The following WDR91 variants were observed in gnomAD, a reference collection of about 807,000 sequenced individuals.
WDR91 encodes the protein WD repeat-containing protein 91.
WDR91 carries 52 observed loss-of-function variants against 88.4 expected under a neutral mutation model. The observed-to-expected ratio is 0.59, with a 90% CI of 0.47 to 0.74. WDR91 has a LOEUF of 0.74. WDR91 is among the 30% of genes least tolerant of loss of function. The pLI, the probability that WDR91 is intolerant of heterozygous loss-of-function variation, is 0.00. For missense variants in WDR91, 824 were observed against 954.5 expected (o/e 0.86, Z 1.80); for synonymous variants, 362 against 389.5 (o/e 0.93, Z 0.83).
intron 11 of WDR91, among the ~76,000 whole-genome samples, chr7:135,190,062 T>C (rs1002230680): frequency 6.6e-6 from 1 of 152,144 alleles, no homozygotes; most frequent in African/African-American, 2.4e-5. Flanking sequence ...AAGAATCCTC[T>C]AGGGCCACAA....
intron 11 of WDR91, among the ~76,000 whole-genome samples, chr7:135,192,897 CTGTA>C (rs1466946541): frequency 1.3e-5 from 2 of 152,168 alleles, no homozygotes; most frequent in African/African-American, 4.8e-5. Context: ...TCTTACGAAT[CTGTA>C]TGTGTCCTTG....
intron 6 of WDR91, chr7:135,199,094 G>T (rs1022567491): frequency 6.6e-6 from 1 of 152,182 alleles, no homozygotes; most frequent in Non-Finnish European, 1.5e-5. Flanking sequence ...GTGAAGAGAA[G>T]AAACTCAACC....
chr7:135,188,277 T>C (rs1831027182), intron 13 of WDR91, 156 bp downstream of exon 13: 6 of 597,340 alleles, frequency 1.0e-5, no homozygotes, highest in Middle Eastern at 6.4e-4. Context: ...CTCGCAAAGA[T>C]TGTAAGACGA....
chr7:135,191,559 T>G (rs2117642012), intron 11 of WDR91, among the ~76,000 whole-genome samples: 1 of 141,312 alleles, frequency 7.1e-6, no homozygotes, highest in Non-Finnish European at 1.5e-5. Context: ...GAGCAGAGAT[T>G]GTGCCGCTGC....
rs1399020972 is a variant in WDR91 at position 135,196,095 on chromosome 7, C to T, written c.1244+49G>A. 7 of 1,461,934 alleles carry T rather than the reference C, an allele frequency of 4.8e-6. No homozygotes were observed. The highest frequency in any genetic ancestry group is 6.4e-6 in the Non-Finnish European group (7 of 1,100,590). 90.6% of individuals were successfully genotyped at this position (1,461,934 alleles called of 1,614,324 possible). A position where few individuals can be genotyped will look rare whatever the true frequency, so the allele number is the denominator to read the frequency against. ...CTGGCCACACCTCCACGTGTACTGC[C>T]TGAAAATCTGAGCTTCCCAGGGTTT... On this transcript the variant is annotated intron_variant, in intron 8 of 14. Coordinates refer to ENST00000354475, the MANE Select transcript of WDR91 (RefSeq NM_014149.4). The surrounding 1 kb of genome is among the most constrained non-coding windows in gnomAD (Gnocchi z 4.2).
chr7:135,189,883 G>A (rs760745150), intron 11 of WDR91, among the ~76,000 whole-genome samples: 7 of 152,086 alleles, frequency 4.6e-5, no homozygotes, highest in Non-Finnish European at 5.9e-5. Flanking sequence ...AAATATAGTA[G>A]CAAACAAAAC....
At position 135,196,619 on chromosome 7, in the gene WDR91, G is replaced by T. The variant is rs1000453269; in HGVS notation, c.1051-282C>A. Among the ~76,000 whole-genome samples, 17 of 152,176 alleles carry T rather than the reference G, an allele frequency of 1.1e-4. No individual in the cohort carries two copies. The highest frequency in any genetic ancestry group is 2.5e-4 in the Non-Finnish European group (17 of 68,018). On this transcript the variant is annotated intron_variant, in intron 7 of 14. Coordinates refer to ENST00000354475, the MANE Select transcript of WDR91 (RefSeq NM_014149.4). This position sits in a 1 kb window ranked among gnomAD's most constrained non-coding sequence, Gnocchi z 4.2. ...CTGTGACACAGCTGATGGGACCCAG[G>T]ACACACATCTGCCTTGACAACAGGC...
chr7:135,187,615 C>T (rs575735245), intron 13 of WDR91, among the ~76,000 whole-genome samples: 1 of 152,236 alleles, frequency 6.6e-6, no homozygotes, highest in Admixed American at 6.5e-5. Flanking sequence ...GTACAGAGGA[C>T]AAAGTCCACA....
At chr7:135,200,954 C>T (rs1379213298) in intron 6 of WDR91, among the ~76,000 whole-genome samples, 1 of 152,138 alleles carries the variant, frequency 6.6e-6, no homozygotes, top group Non-Finnish European at 1.5e-5. Flanking sequence ...GAAAACACGC[C>T]CTCATAACAC....
chr7:135,187,271 G>A (rs561727826), intron 13 of WDR91, 102 bp from the exon 14 acceptor site: 13 of 1,198,584 alleles, frequency 1.1e-5, no homozygotes, highest in Non-Finnish European at 1.4e-5. Flanking sequence ...TGGCGAGGGC[G>A]ACCCGCCTCC....
chr7:135,211,043 C>G, intron 1 of WDR91: 1 of 649,298 alleles, frequency 1.5e-6, no homozygotes, highest in Non-Finnish European at 2.8e-6. Flanking sequence ...ATATCTGTTG[C>G]CAAAACGCAA....
intron 3 of WDR91, chr7:135,207,435 C>T (rs1831839305): frequency 1.9e-6 from 1 of 522,680 alleles, no homozygotes; most frequent in Non-Finnish European, 3.7e-6. Flanking sequence ...GCATGACCAT[C>T]TGCCTGGCCA....
intron 9 of WDR91, 65 bp downstream of exon 9, chr7:135,194,869 G>A (rs1831303425): frequency 1.9e-6 from 3 of 1,591,008 alleles, no homozygotes; most frequent in Non-Finnish European, 1.7e-6. Context: ...CTCAGCCGGT[G>A]GAGAACCCTG....
intron 8 of WDR91, among the ~76,000 whole-genome samples, chr7:135,195,294 C>T (rs976243943): frequency 6.6e-6 from 1 of 152,246 alleles, no homozygotes; most frequent in Non-Finnish European, 1.5e-5. Context: ...CAACCATGTG[C>T]GGAGCTTTTG....
At chr7:135,209,376 G>A in intron 2 of WDR91, 200 bp downstream of exon 2, 1 of 491,628 alleles carries the variant, frequency 2.0e-6, no homozygotes, top group Non-Finnish European at 3.4e-6. Flanking sequence ...AAATAGGAAT[G>A]GGGAAGACAA....
rs1265505724 is a variant in WDR91, at chr7:135,209,669, A to G, written c.210T>C (p.Arg70=). 1 of 1,613,690 alleles carries G rather than the reference A, an allele frequency of 6.2e-7. No individual in the cohort carries two copies. The highest frequency in any genetic ancestry group is 8.5e-7 in the Non-Finnish European group (1 of 1,179,860). Residue 70 remains arginine, a synonymous_variant, in exon 2 of 15, where the codon CGT becomes CGC. Coordinates refer to ENST00000354475, the MANE Select transcript of WDR91 (RefSeq NM_014149.4). ...ALRDYWSYLE[R]RLFSRLEDIY... ...TATCCTCCAAGCGGCTGAAGAGCCG[A>G]CGCTCCAAGTAGCTCCAATAATCCC...
At position 135,193,377 on chromosome 7, in the gene WDR91, G is replaced by A; in HGVS notation, c.1513C>T (p.Pro505Ser). ...MPRILSLACS[P>S]NGASFVCSAA... ...GAACAGACGAAAGAGGCCCCGTTGG[G>A]GCTGCACGCAAGAGACAGGATTCTG... The change falls in exon 11 of 15, where the codon CCC becomes TCC. Residue 505 changes from proline (P) to serine (S), a missense_variant. Transcript: ENST00000354475. 1 of 1,614,204 alleles carries A rather than the reference G, an allele frequency of 6.2e-7. No homozygotes were observed. The highest frequency in any genetic ancestry group is 8.5e-7 in the Non-Finnish European group (1 of 1,180,034).
At position 135,211,243 on chromosome 7, in the gene WDR91, G is replaced by T. The variant is rs897090723; in HGVS notation, c.123+137C>A. 67 of 1,357,052 alleles carry T rather than the reference G, an allele frequency of 4.9e-5. 1 individual carries two copies. Among genetic ancestry groups the T allele is most frequent in the Non-Finnish European group, 6.2e-5 (64 of 1,027,652 alleles). 84.1% of individuals were successfully genotyped at this position (1,357,052 alleles called of 1,614,324 possible). A position where few individuals can be genotyped will look rare whatever the true frequency, so the allele number is the denominator to read the frequency against. On this transcript the variant is annotated intron_variant, in intron 1 of 14. Transcript: ENST00000354475. ...TCAGTTCCTCATCCGTCAAGCTGGG[G>T]TCGGACGCGCTGAGGTCTCCGGCGC...
Position 135,186,330 on chromosome 7 carries a change from G to A in WDR91, c.2080-15C>T, listed in dbSNP as rs1283558809. ...TCGCCACCCAGCTGCAAGAGGACAGGAAAGAGGAGGAGGTGTCAGCAAACA... is the reference window on the plus strand; with the variant it reads ...TCGCCACCCAGCTGCAAGAGGACAGAAAAGAGGAGGAGGTGTCAGCAAACA... On this transcript the variant is annotated splice_polypyrimidine_tract_variant and intron_variant, in intron 14 of 14. Coordinates refer to ENST00000354475, the MANE Select transcript of WDR91 (RefSeq NM_014149.4). 6.2e-7 allele frequency: 1 copy of A among 1,609,082 alleles called. No homozygotes were observed. Among genetic ancestry groups the A allele is most frequent in the Non-Finnish European group, 8.5e-7 (1 of 1,178,216 alleles).
Sources: allele counts gnomAD v4.1 joint callset (sites outside exome capture counted in the v4.1 genomes callset), GRCh38; gene constraint gnomAD v4.1.1; non-coding constraint Gnocchi (gnomAD v3.1); transcripts MANE v1.5; gene names NCBI Gene and HGNC (gene_info 2026-07-23, HGNC 2026-07-21).